ASPRV1: variants seen among roughly 807,000 people sequenced by gnomAD.
The protein encoded by ASPRV1 is aspartic peptidase retroviral like 1.
In ASPRV1, 7 loss-of-function variants were observed where a neutral mutation model predicts 11.0. The ratio of observed to expected loss-of-function variants is 0.64; its 90% CI spans 0.36 to 1.20. ASPRV1 has a LOEUF of 1.20. ASPRV1 is among the 50% of genes most tolerant of loss of function. ASPRV1 has a pLI of 0.02. For synonymous variants in ASPRV1, 136 were observed against 138.4 expected (o/e 0.98, Z 0.12); for missense variants, 299 against 320.0 (o/e 0.93, Z 0.50).
chr2:70,046,296 G>C, the ASPRV1 span: 138 of 152,336 alleles, frequency 9.1e-4, no homozygotes, highest in African/African-American at 3.2e-3. Context: ...ACAGTGTGCA[G>C]GAGGCCTGGA....
the ASPRV1 span, among the ~76,000 whole-genome samples, chr2:69,972,560 G>A: frequency 6.6e-5 from 10 of 151,868 alleles, 1 homozygote; most frequent in South Asian, 6.2e-4. Flanking sequence ...GTTTCACCAC[G>A]TTCGCAGGAC....
the ASPRV1 span, among the ~76,000 whole-genome samples, chr2:69,979,975 A>C: frequency 5.3e-5 from 8 of 152,160 alleles, no homozygotes; most frequent in African/African-American, 1.9e-4. Context: ...ATGGGTGAAA[A>C]AACTAGGGCT....
the ASPRV1 span, among the ~76,000 whole-genome samples, chr2:70,058,551 A>ATTT: frequency 1.4e-5 from 2 of 138,690 alleles, no homozygotes; most frequent in Admixed American, 7.4e-5. Context: ...CTCTGAAGAA[A>ATTT]TTTTTTTTTT....
the ASPRV1 span, among the ~76,000 whole-genome samples, chr2:69,953,746 T>G: frequency 6.6e-6 from 1 of 152,182 alleles, no homozygotes; most frequent in Non-Finnish European, 1.5e-5. Flanking sequence ...CTCACTCTGT[T>G]GCCCAGCCTG....
At chr2:70,079,944 A>C in the ASPRV1 span, among the ~76,000 whole-genome samples, 1 of 152,226 alleles carries the variant, frequency 6.6e-6, no homozygotes, top group African/African-American at 2.4e-5. Flanking sequence ...AATGTTGAAC[A>C]AATGCTTTGT....
the ASPRV1 span, among the ~76,000 whole-genome samples, chr2:69,981,598 C>T: frequency 6.6e-6 from 1 of 152,118 alleles, no homozygotes; most frequent in Non-Finnish European, 1.5e-5. Flanking sequence ...ACTCTGTTAC[C>T]CAGGCTGGAG....
At chr2:69,967,654 T>C in the ASPRV1 span, among the ~76,000 whole-genome samples, 1 of 152,146 alleles carries the variant, frequency 6.6e-6, no homozygotes, top group African/African-American at 2.4e-5. Flanking sequence ...ATGACAGTGG[T>C]TATTTTGGGG....
the ASPRV1 span, among the ~76,000 whole-genome samples, chr2:70,065,729 G>A: frequency 6.7e-6 from 1 of 149,412 alleles, no homozygotes. Context: ...GGAGGCTGAG[G>A]CAGGAAGATC....
chr2:70,031,373 A>T, the ASPRV1 span: 2 of 152,116 alleles, frequency 1.3e-5, no homozygotes, highest in East Asian at 3.8e-4. Flanking sequence ...AAAATTCCAC[A>T]TCAAATTTTC....
the ASPRV1 span, among the ~76,000 whole-genome samples, chr2:70,022,346 A>AAC: frequency 7.2e-5 from 10 of 138,524 alleles, no homozygotes; most frequent in Admixed American, 2.1e-4. Flanking sequence ...TTCTTACCAA[A>AAC]ACACACACAC....
the ASPRV1 span, among the ~76,000 whole-genome samples, chr2:70,000,104 T>G: frequency 6.6e-6 from 1 of 152,332 alleles, no homozygotes; most frequent in East Asian, 1.9e-4. Flanking sequence ...ACAGACTACC[T>G]TGATTACATG....
the ASPRV1 span, among the ~76,000 whole-genome samples, chr2:70,055,307 C>A: frequency 2.6e-5 from 4 of 151,236 alleles, no homozygotes; most frequent in African/African-American, 9.7e-5. Flanking sequence ...GACTCCGTCT[C>A]AAAAAAAAGA....
At chr2:70,030,636 G>T in the ASPRV1 span, 3 of 152,174 alleles carry the variant, frequency 2.0e-5, no homozygotes, top group South Asian at 6.2e-4. Flanking sequence ...TCAATAAAAT[G>T]ATCCAATGAA....
At chr2:69,951,501 T>A in the ASPRV1 span, among the ~76,000 whole-genome samples, 346 of 144,262 alleles carry the variant, frequency 2.4e-3, no homozygotes, top group African/African-American at 8.1e-3. Flanking sequence ...ATATGTATAT[T>A]TATATATATA....
At chr2:70,077,175 G>A in the ASPRV1 span, 5 of 152,032 alleles carry the variant, frequency 3.3e-5, no homozygotes. Context: ...CACAGTGCCC[G>A]GTTCATCAAA....
the ASPRV1 span, among the ~76,000 whole-genome samples, chr2:70,022,918 T>C: frequency 6.6e-6 from 1 of 152,134 alleles, no homozygotes; most frequent in Non-Finnish European, 1.5e-5. Context: ...AGACCAAAAC[T>C]GCTGATACAG....
the ASPRV1 span, among the ~76,000 whole-genome samples, chr2:70,036,693 G>A: frequency 6.6e-6 from 1 of 151,952 alleles, no homozygotes; most frequent in African/African-American, 2.4e-5. Context: ...TCCAAGACAG[G>A]GACTCACTCT....
At chr2:69,949,282 T>C in the ASPRV1 span, among the ~76,000 whole-genome samples, 1 of 150,698 alleles carries the variant, frequency 6.6e-6, no homozygotes, top group Admixed American at 6.6e-5. Flanking sequence ...AATGAATGAA[T>C]GAATGAACGA....
the ASPRV1 span, among the ~76,000 whole-genome samples, chr2:69,980,014 C>T: frequency 6.6e-6 from 1 of 152,210 alleles, no homozygotes; most frequent in South Asian, 2.1e-4. Context: ...TTCCCCCTGC[C>T]GCTGGCCTGC....
Sources: gnomAD v4.1 joint callset for allele counts (sites outside exome capture counted in the v4.1 genomes callset) on GRCh38, gnomAD v4.1.1 for gene constraint, MANE v1.5 for transcripts, NCBI Gene and HGNC (gene_info 2026-07-23, HGNC 2026-07-21) for gene names.